EVI5: variants seen among roughly 807,000 people sequenced by gnomAD.
EVI5 encodes the protein ecotropic viral integration site 5 protein homolog.
In EVI5, 73 loss-of-function variants were observed where a neutral mutation model predicts 112.0. That is an observed-to-expected ratio of 0.65 (90% confidence interval 0.54 to 0.79). The LOEUF (loss-of-function observed/expected upper bound fraction) is 0.79, where lower values mean the gene tolerates loss of function less well. Ranked by LOEUF, EVI5 falls within the 30% of genes least tolerant of loss-of-function variation. EVI5 has a pLI of 0.00. For synonymous variants in EVI5, 305 were observed against 319.9 expected (o/e 0.95, Z 0.50); for missense variants, 900 against 968.8 (o/e 0.93, Z 0.94).
chr1:92,581,813 GAAA>G (rs1307914105), intron 18 of EVI5, among the ~76,000 whole-genome samples: 1 of 151,854 alleles, frequency 6.6e-6, no homozygotes, highest in Non-Finnish European at 1.5e-5. Context: ...TCTTTACACA[GAAA>G]GTACTTAAAA....
rs1669974374 is a variant in EVI5, at chr1:92,694,310, C to T, written c.988G>A (p.Gly330Arg). 1 of 1,575,900 alleles carries T rather than the reference C, an allele frequency of 6.3e-7. No homozygotes were observed. The highest frequency in any genetic ancestry group is 8.7e-7 in the Non-Finnish European group (1 of 1,150,728). Residue 330 changes from glycine to arginine, a missense_variant, in exon 8 of 20, where the codon GGG becomes AGG. By Grantham distance (125) the Gly-to-Arg change is moderately radical (BLOSUM62 -2). Transcript: ENST00000684568. ...QAELMQLDME[G>R]MLQHFQKVIP... ...AATTATGAACTTACCTGTAACATCCCTTCCATGTCAAGTTGCATCAGTTCT... is the reference window on the plus strand; with the variant it reads ...AATTATGAACTTACCTGTAACATCCTTTCCATGTCAAGTTGCATCAGTTCT...
At position 92,512,611 on chromosome 1, in the gene EVI5, T is replaced by C. The variant is rs202040137; in HGVS notation, c.*1045A>G. 1.3e-5 allele frequency: 2 copies of C among 152,186 alleles called. No homozygotes were observed. Among genetic ancestry groups the C allele is most frequent in the Non-Finnish European group, 2.9e-5 (2 of 68,032 alleles). The allele number at this position is 152,186 out of a possible 1,614,324, so 9.4% of individuals were successfully genotyped here. ...GTTAGGTGGTACAGATTTATAAATA[T>C]GTACAAACAAAACAGTATGTCTGTA... On this transcript the variant is annotated 3_prime_UTR_variant, in exon 20 of 20. Coordinates refer to ENST00000684568, the MANE Select transcript of EVI5 (RefSeq NM_001350197.2).
intron 18 of EVI5, among the ~76,000 whole-genome samples, chr1:92,573,090 C>T (rs573758861): frequency 1.3e-5 from 2 of 152,018 alleles, no homozygotes; most frequent in South Asian, 4.1e-4. Context: ...TTTTAAATGG[C>T]TAAGGAAATG....
At chr1:92,743,383 C>T (rs563197559) in intron 1 of EVI5, among the ~76,000 whole-genome samples, 2 of 151,972 alleles carry the variant, frequency 1.3e-5, no homozygotes, top group Admixed American at 6.6e-5. Context: ...TCTGACATAC[C>T]ACAACATGAA....
Position 92,592,100 on chromosome 1 carries a change from G to A in EVI5, c.2070+13207C>T, listed in dbSNP as rs568396907. 1.6e-4 allele frequency among the ~76,000 whole-genome samples: 24 copies of A among 152,266 alleles called. No homozygotes were observed. The South Asian group carries it at 1.9e-3, about 12-fold the overall frequency. On this transcript the variant is annotated intron_variant, in intron 18 of 19. Coordinates refer to ENST00000684568, the MANE Select transcript of EVI5 (RefSeq NM_001350197.2). ...CTACTAAAAATACAAAAAATTAGCC[G>A]GGCGTGGTAGCAGGTGCCTGCAGTC...
intron 1 of EVI5, among the ~76,000 whole-genome samples, chr1:92,773,197 C>CAAAAA (rs34570423): frequency 7.6e-6 from 1 of 131,720 alleles, no homozygotes; most frequent in African/African-American, 2.9e-5. Flanking sequence ...CAGGCTGTCT[C>CAAAAA]AAAAAAAAAA....
chr1:92,735,247 G>A (rs933976922), intron 2 of EVI5, among the ~76,000 whole-genome samples: 1 of 152,130 alleles, frequency 6.6e-6, no homozygotes, highest in African/African-American at 2.4e-5. Flanking sequence ...ATCAATATGT[G>A]CTATAACATG....
chr1:92,679,498 T>C (rs774588231), intron 9 of EVI5, among the ~76,000 whole-genome samples: 98 of 152,298 alleles, frequency 6.4e-4, no homozygotes, highest in Non-Finnish European at 1.0e-3. Context: ...ACCCTACTTA[T>C]TTAACTCCAC....
chr1:92,731,190 G>C (rs2102770162), intron 2 of EVI5, among the ~76,000 whole-genome samples: 1 of 152,198 alleles, frequency 6.6e-6, no homozygotes, highest in African/African-American at 2.4e-5. Context: ...CGTCATAGTG[G>C]CACATGCCTA....
chr1:92,763,424 C>T (rs776803435), intron 1 of EVI5, among the ~76,000 whole-genome samples: 3 of 151,062 alleles, frequency 2.0e-5, no homozygotes, highest in African/African-American at 4.9e-5. Flanking sequence ...GAGGCAGGCA[C>T]GGTGGCTCAC....
At chr1:92,751,084 A>G (rs1379337004) in intron 1 of EVI5, among the ~76,000 whole-genome samples, 1 of 152,224 alleles carries the variant, frequency 6.6e-6, no homozygotes, top group Non-Finnish European at 1.5e-5. Context: ...CGGGAGGCAG[A>G]GCTGGCAATG....
intron 18 of EVI5, among the ~76,000 whole-genome samples, chr1:92,589,622 T>C (rs1025329452): frequency 4.6e-5 from 7 of 152,104 alleles, no homozygotes; most frequent in African/African-American, 1.7e-4. Context: ...GCCGAGAAGC[T>C]CCAACTGGGT....
chr1:92,629,673 T>C (rs968289168), intron 14 of EVI5, among the ~76,000 whole-genome samples: 2 of 152,156 alleles, frequency 1.3e-5, no homozygotes, highest in African/African-American at 4.8e-5. Flanking sequence ...TTTCTTTTTT[T>C]CTTTTATTAT....
chr1:92,638,450 G>A lies in EVI5; in HGVS notation c.1393-2114C>T, dbSNP rs61040863. On this transcript the variant is annotated intron_variant, in intron 13 of 19. Coordinates refer to ENST00000684568, the MANE Select transcript of EVI5 (RefSeq NM_001350197.2). ...CAGAATATAATTCCCAGGTCATCAT[G>A]ATGGTGGCCAATTAACATACTGCAA... Among the ~76,000 whole-genome samples, 21 of 152,262 alleles carry A rather than the reference G, an allele frequency of 1.4e-4. No individual in the cohort carries two copies. In the East Asian group the frequency reaches 3.9e-3, roughly 28 times the overall value.
intron 1 of EVI5, among the ~76,000 whole-genome samples, chr1:92,782,243 T>G (rs931229549): frequency 4.0e-5 from 6 of 150,300 alleles, no homozygotes; most frequent in Non-Finnish European, 5.9e-5. Flanking sequence ...GGCAACAGAG[T>G]GAGACTCCAT....
intron 14 of EVI5, among the ~76,000 whole-genome samples, chr1:92,632,810 T>C (rs1409667972): frequency 6.6e-6 from 1 of 152,224 alleles, no homozygotes; most frequent in Non-Finnish European, 1.5e-5. Context: ...TGTGGGCATT[T>C]AGTGCCATAA....
At chr1:92,581,138 A>C (rs1671868413) in intron 18 of EVI5, among the ~76,000 whole-genome samples, 1 of 152,220 alleles carries the variant, frequency 6.6e-6, no homozygotes, top group South Asian at 2.1e-4. Context: ...GACACTAACT[A>C]TCTCTCCACC....
At chr1:92,553,570 G>T (rs1667283633) in intron 19 of EVI5, among the ~76,000 whole-genome samples, 1 of 151,968 alleles carries the variant, frequency 6.6e-6, no homozygotes, top group Non-Finnish European at 1.5e-5. Context: ...CAAAGTGCTG[G>T]GATTACAGGC....
Position 92,743,545 on chromosome 1 carries a change from G to C in EVI5, c.-81-6918C>G, listed in dbSNP as rs941805987. Among the ~76,000 whole-genome samples the C allele has an allele frequency of 5.3e-5, 8 of 152,106 alleles. No homozygotes were observed. In the East Asian group the frequency reaches 1.5e-3, roughly 29 times the overall value. On this transcript the variant is annotated intron_variant, in intron 1 of 19. Coordinates refer to ENST00000684568, the MANE Select transcript of EVI5 (RefSeq NM_001350197.2). Reference sequence around the variant, plus strand: ...AGAGGAAATAGGGAGTTATTGATTAGTGGCCACAGAGTTTCTTTGGAAAGA... The same window carrying C: ...AGAGGAAATAGGGAGTTATTGATTACTGGCCACAGAGTTTCTTTGGAAAGA...
Sources: gnomAD v4.1 joint callset for allele counts (sites outside exome capture counted in the v4.1 genomes callset) on GRCh38, gnomAD v4.1.1 for gene constraint, MANE v1.5 for transcripts, NCBI Gene and HGNC (gene_info 2026-07-23, HGNC 2026-07-21) for gene names.